Variants in ZNF407 observed in about 807,000 individuals in gnomAD.
ZNF407 encodes the protein zinc finger protein 407.
In ZNF407, 17 loss-of-function variants were observed where a neutral mutation model predicts 131.2. The ratio of observed to expected loss-of-function variants is 0.13; its 90% confidence interval spans 0.09 to 0.19. The LOEUF (loss-of-function observed/expected upper bound fraction) is 0.19. Ranked by LOEUF, ZNF407 falls within the 10% of genes least tolerant of loss-of-function variation. The pLI, the probability that ZNF407 is intolerant of heterozygous loss-of-function variation, is 1.00. For synonymous variants in ZNF407, 1,156 were observed against 1,062.0 expected (o/e 1.09, Z -1.72); for missense variants, 2,681 against 2,830.6 (o/e 0.95, Z 1.20).
At chr18:74,965,342 A>G (rs1972397895) in intron 8 of ZNF407, among the ~76,000 whole-genome samples, 1 of 152,014 alleles carries the variant, frequency 6.6e-6, no homozygotes, top group Non-Finnish European at 1.5e-5. Flanking sequence ...TCATTCTGTC[A>G]ACTGTCTCCA....
Position 74,667,629 on chromosome 18 carries a change from A to T in ZNF407, c.4802+26507A>T, listed in dbSNP as rs1985982689. On this transcript the variant is annotated intron_variant, in intron 3 of 8. Coordinates refer to ENST00000299687, the MANE Select transcript of ZNF407 (RefSeq NM_017757.3). Reference sequence around the variant, plus strand: ...CAGACTTAGGATAAGCGACATGACCAAGTGTGCTTGTAGCTCATTGAGGCC... The same window carrying T: ...CAGACTTAGGATAAGCGACATGACCTAGTGTGCTTGTAGCTCATTGAGGCC... Among the ~76,000 whole-genome samples, 3 of 152,200 alleles carry T rather than the reference A, an allele frequency of 2.0e-5. No individual in the cohort carries two copies. In the South Asian group the frequency reaches 6.2e-4, roughly 31 times the overall value.
At chr18:74,841,219 G>A (rs939341082) in intron 4 of ZNF407, among the ~76,000 whole-genome samples, 16 of 152,202 alleles carry the variant, frequency 1.1e-4, no homozygotes, top group African/African-American at 3.6e-4. Context: ...AAGGAATTTT[G>A]TGAACTGGTT....
chr18:74,652,679 T>C (rs1985280259), intron 3 of ZNF407, among the ~76,000 whole-genome samples: 6 of 152,000 alleles, frequency 3.9e-5, no homozygotes, highest in Admixed American at 3.3e-4. Context: ...TCCATTAGTT[T>C]CATATTACAA....
chr18:74,612,764 C>T (rs569446865), intron 1 of ZNF407, among the ~76,000 whole-genome samples: 4 of 152,212 alleles, frequency 2.6e-5, no homozygotes, highest in African/African-American at 4.8e-5. Flanking sequence ...CCTTGCTTTG[C>T]GGAAGAGGCA....
chr18:75,050,556 A>G (rs1973488382), intron 8 of ZNF407, among the ~76,000 whole-genome samples: 1 of 152,236 alleles, frequency 6.6e-6, no homozygotes, highest in South Asian at 2.1e-4. Flanking sequence ...TGAAGAGGCC[A>G]GTGACATCTG....
At chr18:75,006,060 T>C (rs577255168) in intron 8 of ZNF407, among the ~76,000 whole-genome samples, 1 of 152,150 alleles carries the variant, frequency 6.6e-6, no homozygotes, top group Admixed American at 6.5e-5. Context: ...GAGAGAGGCA[T>C]GTCGGATGAA....
chr18:74,618,099 G>A (rs895665115), intron 1 of ZNF407, among the ~76,000 whole-genome samples: 3 of 152,156 alleles, frequency 2.0e-5, no homozygotes, highest in Non-Finnish European at 4.4e-5. Flanking sequence ...TAATGGGACC[G>A]CATTATTTGG....
At chr18:74,778,049 C>T (rs1440102554) in intron 3 of ZNF407, among the ~76,000 whole-genome samples, 2 of 151,162 alleles carry the variant, frequency 1.3e-5, no homozygotes, top group Admixed American at 6.6e-5. Context: ...AAAATAAAAA[C>T]AAAAGCAAAA....
At chr18:74,673,588 A>G (rs1986238483) in intron 3 of ZNF407, among the ~76,000 whole-genome samples, 1 of 152,176 alleles carries the variant, frequency 6.6e-6, no homozygotes, top group Non-Finnish European at 1.5e-5. Context: ...GGATACTGTG[A>G]TGTGGACATC....
rs17056062 is a variant in ZNF407 at position 74,984,012 on chromosome 18, C to T, written c.5428+63320C>T. Among the ~76,000 whole-genome samples the T allele has an allele frequency of 4.3e-3, 662 of 152,280 alleles. 5 individuals are homozygous for T. Among genetic ancestry groups the T allele is most frequent in the African/African-American group, 0.015 (608 of 41,550 alleles). The stretch of plus-strand genomic sequence containing the variant: ...TCTGTTGTAATAGTATTTGGCAGGT[C>T]ATAGACAATTTCTGTCATATTACTT... On this transcript the variant is annotated intron_variant, in intron 8 of 8. Transcript: ENST00000299687.
At chr18:74,871,871 T>A (rs1265584016) in intron 4 of ZNF407, among the ~76,000 whole-genome samples, 1 of 151,764 alleles carries the variant, frequency 6.6e-6, no homozygotes, top group Non-Finnish European at 1.5e-5. Flanking sequence ...TCTTTCTTTT[T>A]TTTTTTTTGA....
At chr18:74,992,057 G>A (rs1383384070) in intron 8 of ZNF407, among the ~76,000 whole-genome samples, 1 of 152,190 alleles carries the variant, frequency 6.6e-6, no homozygotes, top group Non-Finnish European at 1.5e-5. Flanking sequence ...CAGCCAGTGA[G>A]AACTGAGGTC....
chr18:75,036,481 T>C (rs370577310), intron 8 of ZNF407, among the ~76,000 whole-genome samples: 2 of 152,144 alleles, frequency 1.3e-5, no homozygotes, highest in East Asian at 3.9e-4. Context: ...ATGAGGAAAA[T>C]GATTTATTAT....
intron 8 of ZNF407, among the ~76,000 whole-genome samples, chr18:75,042,938 G>C (rs913260389): frequency 1.3e-5 from 2 of 152,210 alleles, no homozygotes; most frequent in African/African-American, 4.8e-5. Flanking sequence ...ATGTTTGCCT[G>C]TCTCCTGGTG....
chr18:74,789,833 C>A (rs1324140090), intron 4 of ZNF407, among the ~76,000 whole-genome samples: 1 of 147,318 alleles, frequency 6.8e-6, no homozygotes, highest in African/African-American at 2.5e-5. Flanking sequence ...TTGTTAAAAT[C>A]TTTCCCTTAT....
At chr18:74,953,236 C>T (rs1972236231) in intron 8 of ZNF407, among the ~76,000 whole-genome samples, 2 of 152,242 alleles carry the variant, frequency 1.3e-5, no homozygotes, top group South Asian at 4.2e-4. Context: ...GTCAAGGGGA[C>T]ATTGCTTGAG....
chr18:74,929,934 G>T (rs968153426), intron 8 of ZNF407, among the ~76,000 whole-genome samples: 1 of 152,190 alleles, frequency 6.6e-6, no homozygotes, highest in African/African-American at 2.4e-5. Flanking sequence ...ATAGTACAGA[G>T]AGTTCCATAT....
intron 4 of ZNF407, among the ~76,000 whole-genome samples, chr18:74,819,924 G>C (rs1005177683): frequency 1.3e-5 from 2 of 152,204 alleles, no homozygotes; most frequent in East Asian, 1.9e-4. Context: ...GCTGCCTCTA[G>C]TGGCCGGCGC....
chr18:75,056,117 T>C (rs8085727), intron 8 of ZNF407, among the ~76,000 whole-genome samples: 30,750 of 152,218 alleles, frequency 0.2, 3,494 homozygotes, highest in African/African-American at 0.3. Flanking sequence ...TTAATTATTA[T>C]GCTATGATAT....
Sources: allele counts gnomAD v4.1 joint callset (sites outside exome capture counted in the v4.1 genomes callset), GRCh38; gene constraint gnomAD v4.1.1; transcripts MANE v1.5; gene names NCBI Gene and HGNC (gene_info 2026-07-23, HGNC 2026-07-21).